The following NCSTN variants were observed in gnomAD, a reference collection of about 807,000 sequenced individuals.
NCSTN encodes the protein anterior pharynx-defective 2.
A neutral mutation model predicts 87.0 loss-of-function variants in NCSTN; 22 were observed. The ratio of observed to expected loss-of-function variants is 0.25; its 90% CI spans 0.18 to 0.36. The LOEUF is 0.36. NCSTN is among the 10% of genes least tolerant of loss of function. The pLI, the probability that NCSTN is intolerant of heterozygous loss-of-function variation, is 1.00. For synonymous variants in NCSTN, 306 were observed against 327.1 expected (o/e 0.94, Z 0.69); for missense variants, 693 against 883.3 (o/e 0.78, Z 2.73).
rs201067286 is a variant in NCSTN at position 160,351,208 on chromosome 1, A to C, written c.583-14A>C. The C allele has an allele frequency of 1.2e-6, 2 of 1,613,928 alleles. No individual in the cohort carries two copies. Among genetic ancestry groups the C allele is most frequent in the Non-Finnish European group, 1.7e-6 (2 of 1,180,004 alleles). ...CAAACTAGCTGTCTCAGTGGGGTCCATCTCCCCTTTCAGTGCTATCAAGAT... is the reference window on the plus strand; with the variant it reads ...CAAACTAGCTGTCTCAGTGGGGTCCCTCTCCCCTTTCAGTGCTATCAAGAT... On this transcript the variant is annotated splice_polypyrimidine_tract_variant and intron_variant, in intron 5 of 16. Transcript: ENST00000294785.
chr1:160,356,996 A>T, intron 15 of NCSTN, 45 bp from the exon 16 acceptor site: 1 of 1,551,374 alleles, frequency 6.4e-7, no homozygotes, highest in Non-Finnish European at 8.9e-7. Flanking sequence ...AACGAGTGAG[A>T]AGAGGATCAC....
intron 7 of NCSTN, 117 bp downstream of exon 7, chr1:160,351,922 A>G: frequency 6.8e-7 from 1 of 1,463,858 alleles, no homozygotes; most frequent in African/African-American, 1.4e-5. Flanking sequence ...ATGGGGAGGA[A>G]TCTGGGCTGT....
At chr1:160,351,086 A>G (rs1436790604) in intron 5 of NCSTN, 136 bp from the exon 6 acceptor site, 15 of 897,426 alleles carry the variant, frequency 1.7e-5, no homozygotes, top group Non-Finnish European at 2.6e-5. Flanking sequence ...TAGGATAACT[A>G]TAGCTCAGGG....
chr1:160,347,165 G>C (rs556201577), intron 2 of NCSTN, among the ~76,000 whole-genome samples: 1 of 152,194 alleles, frequency 6.6e-6, no homozygotes, highest in African/African-American at 2.4e-5. Context: ...GGGTAAGCGG[G>C]ACTGTGGCCA....
chr1:160,355,244 C>T (rs1649066221), intron 11 of NCSTN, among the ~76,000 whole-genome samples: 1 of 152,152 alleles, frequency 6.6e-6, no homozygotes, highest in Non-Finnish European at 1.5e-5. Context: ...ATCCTAAGAC[C>T]TGCTAATCAC....
chr1:160,356,564 C>G, intron 14 of NCSTN, 36 bp from the exon 15 acceptor site: 1 of 1,613,424 alleles, frequency 6.2e-7, no homozygotes, highest in Non-Finnish European at 8.5e-7. Context: ...CACCATCCAC[C>G]CACCAAATCT....
chr1:160,348,636 C>G (rs1648650742), intron 2 of NCSTN, among the ~76,000 whole-genome samples: 2 of 152,200 alleles, frequency 1.3e-5, no homozygotes, highest in South Asian at 4.1e-4. Flanking sequence ...AAAGCTAAAA[C>G]CCTGAGCTAG....
chr1:160,344,542 T>C (rs767491853), intron 1 of NCSTN, 180 bp from the exon 2 acceptor site: 36 of 1,549,950 alleles, frequency 2.3e-5, no homozygotes, highest in Non-Finnish European at 3.0e-5. Context: ...GGGTGCCATG[T>C]AGAACATGTA....
chr1:160,351,617 T>C, intron 6 of NCSTN, 79 bp from the exon 7 acceptor site: 2 of 1,382,718 alleles, frequency 1.4e-6, no homozygotes, highest in East Asian at 4.6e-5. Flanking sequence ...GGGGCACTGG[T>C]CAGAGATTTC....
intron 1 of NCSTN, chr1:160,344,018 A>G (rs542340619): frequency 1.7e-4 from 40 of 242,052 alleles, no homozygotes; most frequent in African/African-American, 9.2e-4. Flanking sequence ...GGTACTCTTA[A>G]CTGTGAAGAC....
intron 10 of NCSTN, 56 bp downstream of exon 10, chr1:160,353,293 A>G: frequency 6.2e-7 from 1 of 1,612,998 alleles, no homozygotes; most frequent in South Asian, 1.1e-5. Flanking sequence ...TCCAGACCCC[A>G]ACCCCTGCCC....
intron 3 of NCSTN, 37 bp downstream of exon 3, chr1:160,349,159 A>G: frequency 6.2e-7 from 1 of 1,612,930 alleles, no homozygotes; most frequent in South Asian, 1.1e-5. Context: ...AAACATCCAT[A>G]GAGGGAAAGT....
intron 4 of NCSTN, 84 bp from the exon 5 acceptor site, chr1:160,350,021 T>C (rs1648748537): frequency 2.6e-6 from 4 of 1,517,308 alleles, no homozygotes; most frequent in Non-Finnish European, 9.2e-7. Context: ...TAGTCCCAAC[T>C]GAAAGATTCT....
intron 2 of NCSTN, among the ~76,000 whole-genome samples, chr1:160,347,079 T>C (rs993443007): frequency 6.6e-6 from 1 of 152,200 alleles, no homozygotes; most frequent in South Asian, 2.1e-4. Context: ...CATTCTACTC[T>C]ATGTTCTTAA....
intron 14 of NCSTN, 113 bp downstream of exon 14, chr1:160,356,460 CCT>C (rs977170700): frequency 2.4e-5 from 34 of 1,417,664 alleles, no homozygotes; most frequent in East Asian, 6.8e-5. Context: ...TTTCTTACCC[CCT>C]GTTTTCCTTT....
In NCSTN at chr1:160,350,246, A is replaced by G; in HGVS notation, c.578A>G (p.Lys193Arg). The change falls in exon 5 of 17, where the codon AAG becomes AGG. Residue 193 changes from lysine (K) to arginine (R), a missense_variant. Coordinates refer to ENST00000294785, the MANE Select transcript of NCSTN (RefSeq NM_015331.3). ...GATGAAAATGAAACCAAAGTCATCA[A>G]GCAGGTAATGACACTGCCAGCTCCT... ...LEDENETKVI[K>R]QCYQDHNLSQ... The G allele has an allele frequency of 6.2e-7, 1 of 1,614,100 alleles. No homozygotes were observed. The highest frequency in any genetic ancestry group is 8.5e-7 in the Non-Finnish European group (1 of 1,179,964).
chr1:160,343,467 G>A lies in NCSTN; in HGVS notation c.71G>A (p.Cys24Tyr), dbSNP rs530941300. 19 of 1,610,292 alleles carry A rather than the reference G, an allele frequency of 1.2e-5. No homozygotes were observed. The highest frequency in any genetic ancestry group is 2.2e-5 in the South Asian group (2 of 90,072). The change falls in exon 1 of 17, where the codon TGC (cysteine) becomes TAC (tyrosine). Residue 24 changes from cysteine (C) to tyrosine (Y), a missense_variant. Around this residue, in one of 4 missense-constraint regions of NCSTN, gnomAD observed 235 missense variants for 233.9 expected, o/e 1.00. Coordinates refer to ENST00000294785, the MANE Select transcript of NCSTN (RefSeq NM_015331.3). ...SRGLLRLLSF[C>Y]VLLAGLCRGN... The stretch of plus-strand genomic sequence containing the variant: ...GGTCTCCTTCGCCTTCTGTCTTTCT[G>A]CGTCCTACTAGCAGGTGAGGCCTCC...
intron 8 of NCSTN, among the ~76,000 whole-genome samples, chr1:160,352,577 G>A (rs1052479581): frequency 1.3e-5 from 2 of 152,222 alleles, no homozygotes; most frequent in Non-Finnish European, 2.9e-5. Flanking sequence ...AACAGCATCT[G>A]TGGCTGAGTC....
chr1:160,357,878 G>A (rs781025369), intron 16 of NCSTN, among the ~76,000 whole-genome samples: 6 of 152,162 alleles, frequency 3.9e-5, no homozygotes, highest in African/African-American at 9.7e-5. Flanking sequence ...TGTAAGTGCC[G>A]CAAGGGAACC....
Sources: allele counts gnomAD v4.1 joint callset (sites outside exome capture counted in the v4.1 genomes callset), GRCh38; gene constraint gnomAD v4.1.1; regional missense constraint gnomAD v4.1.1; transcripts MANE v1.5; gene names NCBI Gene and HGNC (gene_info 2026-07-23, HGNC 2026-07-21).